Variants in NTM observed in about 807,000 individuals in gnomAD.
NTM encodes IgLON family member 2.
Under a neutral mutation model 42.1 loss-of-function variants are expected in NTM, and 13 were observed. That is an observed-to-expected ratio of 0.31 (90% CI 0.20 to 0.49). The LOEUF is 0.49. Ranked by LOEUF, NTM falls within the 20% of genes least tolerant of loss-of-function variation. The probability of loss-of-function intolerance (pLI) is 0.99; values close to 1 mark genes in which losing one functional copy is unlikely to be tolerated. For synonymous variants in NTM, 187 were observed against 179.2 expected, an observed-to-expected ratio of 1.04 and a Z score of -0.35; for missense variants, 373 against 452.8, an observed-to-expected ratio of 0.82 and a Z score of 1.60.
At position 132,310,122 on chromosome 11, in the gene NTM, C is replaced by T. The variant is rs776703734; in HGVS notation, c.672C>T (p.Tyr224=). The change falls in exon 6 of 9, where the codon TAC becomes TAT. Residue 224 remains tyrosine (Y), a synonymous_variant. Transcript: ENST00000683400. ...ATCTTCTTTTTGCAGATCCACCATA[C>T]ATTTCAGAAGCCAAGGGTACAGGTG... is the stretch of plus-strand genomic sequence containing the variant. ...RVKVTVNYPP[Y]ISEAKGTGVP... The T allele has an allele frequency of 8.2e-6, 13 of 1,593,484 alleles. No homozygotes were observed. Among genetic ancestry groups the T allele is most frequent in the Non-Finnish European group, 1.1e-5 (13 of 1,172,642 alleles).
At position 131,880,245 on chromosome 11, in the gene NTM, C is replaced by G. The variant is rs186072565; in HGVS notation, c.83-31319C>G. 8.5e-5 allele frequency among the ~76,000 whole-genome samples: 13 copies of G among 152,278 alleles called. No individual in the cohort carries two copies. In the East Asian group the frequency reaches 1.2e-3, roughly 14 times the overall value. Reference sequence around the variant, plus strand: ...CTCCTTTTTTGAACCACTGCTGAAGCCTTAAGGAGGCTGCAGCCCTTGCTG... The same window carrying G: ...CTCCTTTTTTGAACCACTGCTGAAGGCTTAAGGAGGCTGCAGCCCTTGCTG... On this transcript the variant is annotated intron_variant, in intron 1 of 8. Coordinates refer to ENST00000683400, the MANE Select transcript of NTM (RefSeq NM_001352005.2).
intron 1 of NTM, among the ~76,000 whole-genome samples, chr11:131,507,045 T>C (rs1383459087): frequency 1.3e-5 from 2 of 152,202 alleles, no homozygotes; most frequent in African/African-American, 2.4e-5. Flanking sequence ...ACGTCCCTTA[T>C]ATCGGTACAC....
intron 2 of NTM, among the ~76,000 whole-genome samples, chr11:132,022,224 C>T (rs1443824903): frequency 6.6e-6 from 1 of 152,188 alleles, no homozygotes; most frequent in African/African-American, 2.4e-5. Flanking sequence ...AGAAGTTTCA[C>T]AAGAACATAT....
At chr11:132,317,692 T>G (rs1040244677) in intron 7 of NTM, 2 of 1,302,680 alleles carry the variant, frequency 1.5e-6, no homozygotes, top group Admixed American at 2.3e-5. Context: ...TGTTGCAAGG[T>G]CAGTATCTTC....
At chr11:131,920,789 C>A (rs906074798) in intron 2 of NTM, among the ~76,000 whole-genome samples, 1 of 152,036 alleles carries the variant, frequency 6.6e-6, no homozygotes, top group African/African-American at 2.4e-5. Context: ...CAGCATCAAC[C>A]AACAGACTGA....
intron 1 of NTM, among the ~76,000 whole-genome samples, chr11:131,394,045 T>C (rs574103707): frequency 5.3e-5 from 8 of 152,334 alleles, no homozygotes; most frequent in African/African-American, 1.4e-4. Flanking sequence ...TCTGTAATTG[T>C]ATTGCAACTA....
At chr11:132,199,302 T>C (rs1279979125) in intron 3 of NTM, among the ~76,000 whole-genome samples, 1 of 152,210 alleles carries the variant, frequency 6.6e-6, no homozygotes, top group East Asian at 1.9e-4. Flanking sequence ...AGGAGGTTTA[T>C]TACATGGTTA....
chr11:131,550,473 G>A (rs192998698), intron 1 of NTM, among the ~76,000 whole-genome samples: 6 of 152,204 alleles, frequency 3.9e-5, no homozygotes, highest in African/African-American at 7.2e-5. Context: ...TAGTGGGTGC[G>A]TTATCATGAG....
chr11:131,607,969 A>G (rs893439150), intron 1 of NTM, among the ~76,000 whole-genome samples: 5 of 152,064 alleles, frequency 3.3e-5, no homozygotes, highest in Admixed American at 2.0e-4. Flanking sequence ...TTTGTTACAT[A>G]TGCATACGTG....
At chr11:131,670,926 G>A (rs1332534442) in intron 1 of NTM, among the ~76,000 whole-genome samples, 2 of 152,144 alleles carry the variant, frequency 1.3e-5, no homozygotes, top group African/African-American at 4.8e-5. Flanking sequence ...TGGGGCCCAG[G>A]AGGCTCCCAG....
At chr11:131,612,752 C>G (rs146321602) in intron 1 of NTM, among the ~76,000 whole-genome samples, 7 of 152,318 alleles carry the variant, frequency 4.6e-5, no homozygotes, top group African/African-American at 1.4e-4. Flanking sequence ...CACCAGTTGG[C>G]CCAGCCACAC....
chr11:131,474,365 G>A (rs959501480), intron 1 of NTM, among the ~76,000 whole-genome samples: 2 of 151,840 alleles, frequency 1.3e-5, no homozygotes, highest in African/African-American at 4.8e-5. Context: ...CTCACCTCTT[G>A]CTCTACATCT....
rs114135115 is a variant in NTM, at chr11:131,833,888, A to G, written c.83-77676A>G. Among the ~76,000 whole-genome samples, 1,025 of 152,340 alleles carry G rather than the reference A, an allele frequency of 6.7e-3. 16 individuals are homozygous for G. Among genetic ancestry groups the G allele is most frequent in the African/African-American group, 0.023 (960 of 41,580 alleles). Reference sequence around the variant, plus strand: ...TCAAGACTTTATTTTGCCCAAAGACAGAAATCTTCATTTCGAAGTCTTTTT... The same window carrying G: ...TCAAGACTTTATTTTGCCCAAAGACGGAAATCTTCATTTCGAAGTCTTTTT... On this transcript the variant is annotated intron_variant, in intron 1 of 8. Transcript: ENST00000683400.
At chr11:131,444,091 T>C (rs1175705126) in intron 1 of NTM, among the ~76,000 whole-genome samples, 3 of 149,226 alleles carry the variant, frequency 2.0e-5, no homozygotes, top group African/African-American at 7.4e-5. Flanking sequence ...ATAGAAAACT[T>C]ACATAGTTAG....
At position 132,076,694 on chromosome 11, in the gene NTM, C is replaced by T. The variant is rs150910998; in HGVS notation, c.168-69588C>T. On this transcript the variant is annotated intron_variant, in intron 2 of 8. Transcript: ENST00000683400. ...AACATGCATCCATGTTTTTGAGTCC[C>T]ACACCAACATTTTTCTAAGGAATCT... Among the ~76,000 whole-genome samples, 22 of 152,216 alleles carry T rather than the reference C, an allele frequency of 1.4e-4. No homozygotes were observed. In the East Asian group the frequency reaches 2.1e-3, roughly 15 times the overall value.
chr11:131,886,429 C>T (rs1288746082), intron 1 of NTM, among the ~76,000 whole-genome samples: 1 of 152,176 alleles, frequency 6.6e-6, no homozygotes, highest in Non-Finnish European at 1.5e-5. Context: ...CCGTTCCCCA[C>T]CTGGGGATGC....
chr11:132,217,148 T>G (rs2084015351), intron 4 of NTM, among the ~76,000 whole-genome samples: 1 of 152,156 alleles, frequency 6.6e-6, no homozygotes, highest in African/African-American at 2.4e-5. Context: ...CAAGTACTCC[T>G]GTGTCTAAAC....
At chr11:131,646,344 C>T (rs897946229) in intron 1 of NTM, among the ~76,000 whole-genome samples, 6 of 151,976 alleles carry the variant, frequency 3.9e-5, no homozygotes, top group South Asian at 2.1e-4. Context: ...ATTTTTGATG[C>T]GTATAAAGAA....
rs2046305087 is a variant in NTM, at chr11:131,858,327, GC to G, written c.83-53232del. 5.2e-5 allele frequency among the ~76,000 whole-genome samples: 6 copies of G among 114,656 alleles called. No homozygotes were observed. In the Admixed American group the frequency reaches 6.0e-4, roughly 11 times the overall value. 75.2% of individuals were successfully genotyped at this position (114,656 alleles called of 152,430 possible). A position where few individuals can be genotyped will look rare whatever the true frequency, so the allele number is the denominator to read the frequency against. On this transcript the variant is annotated intron_variant, in intron 1 of 8. Transcript: ENST00000683400. ...TCTCTCTTTCCATTTCTCCTTACCC[GC>G]CCCCACCCATGCACATATTATTAGA... is the stretch of plus-strand genomic sequence containing the variant.
Sources: gnomAD v4.1 joint callset for allele counts (sites outside exome capture counted in the v4.1 genomes callset) on GRCh38, gnomAD v4.1.1 for gene constraint, MANE v1.5 for transcripts, NCBI Gene and HGNC (gene_info 2026-07-23, HGNC 2026-07-21) for gene names.